The following MYH11 variants were observed in gnomAD, a reference collection of about 807,000 sequenced individuals.
MYH11 encodes myosin-11.
Under a neutral mutation model 246.6 loss-of-function variants are expected in MYH11, and 80 were observed. That is an observed-to-expected ratio of 0.32 (90% CI 0.27 to 0.39). MYH11 has a LOEUF of 0.39. Among genes scored for constraint, MYH11 ranks in the 10% least tolerant of loss-of-function variants. The pLI, the probability that MYH11 is intolerant of heterozygous loss-of-function variation, is 1.00. For missense variants in MYH11, 2,158 were observed against 2,546.8 expected, an observed-to-expected ratio of 0.85 and a Z score of 3.29; for synonymous variants, 1,071 against 1,015.5, an observed-to-expected ratio of 1.05 and a Z score of -1.04.
At position 15,717,252 on chromosome 16, in the gene MYH11, G is replaced by A. The variant is rs371581038; in HGVS notation, c.5392C>T (p.Arg1798Trp). ...CCCTCCATCTCGTGGAGCTTGCTCCGGAGCTCCTTGTTCTGCCGCTCGAGC... is the reference window on the plus strand; with the variant it reads ...CCCTCCATCTCGTGGAGCTTGCTCCAGAGCTCCTTGTTCTGCCGCTCGAGC... ...QQLERQNKEL[R>W]SKLHEMEGAV... is the part of the protein sequence containing the mutation. Residue 1798 changes from arginine to tryptophan, a missense_variant, in exon 38 of 41, where the codon CGG becomes TGG. Physicochemically the swap from Arg to Trp is moderately radical, Grantham distance 101. Coordinates refer to ENST00000300036, the MANE Select transcript of MYH11 (RefSeq NM_002474.3). 2.0e-5 allele frequency: 32 copies of A among 1,614,122 alleles called. No individual in the cohort carries two copies. The highest frequency in any genetic ancestry group is 1.6e-4 in the Middle Eastern group (1 of 6,062).
intron 4 of MYH11, chr16:15,792,709 CCATTT>C (rs1253868980): frequency 3.3e-5 from 5 of 152,198 alleles, no homozygotes; most frequent in African/African-American, 1.2e-4. Context: ...ACGTTCTCAT[CCATTT>C]CATTTATTTA....
chr16:15,718,286 C>A (rs570946100), intron 37 of MYH11, 29 bp downstream of exon 37: 13 of 1,606,522 alleles, frequency 8.1e-6, no homozygotes, highest in Non-Finnish European at 1.1e-5. Context: ...CAGTAGGCAG[C>A]GTGACTGTGG....
At chr16:15,786,509 G>A (rs2042472273) in intron 5 of MYH11, 121 bp downstream of exon 5, 4 of 964,962 alleles carry the variant, frequency 4.1e-6, no homozygotes, top group African/African-American at 3.2e-5. Context: ...GAGTCTTCAG[G>A]GGAGGGGTAG....
chr16:15,710,714 C>T (rs2039738624), intron 40 of MYH11, among the ~76,000 whole-genome samples: 1 of 151,518 alleles, frequency 6.6e-6, no homozygotes, highest in African/African-American at 2.4e-5. Flanking sequence ...CAGAGTCTTG[C>T]TCTGAAGGCT....
rs371831822 is a variant in MYH11 at position 15,732,596 on chromosome 16, C to T, written c.3619G>A (p.Glu1207Lys). Reference sequence around the variant, plus strand: ...AACTGCTCAAGCTGCTCTGTGAGCTCCTCCACCGCCTGTGCGTGTTTCTGC... The same window carrying T: ...AACTGCTCAAGCTGCTCTGTGAGCTTCTCCACCGCCTGTGCGTGTTTCTGC... ...MRQKHAQAVE[E>K]LTEQLEQFKR... Residue 1207 changes from glutamate (E) to lysine (K), a missense_variant, in exon 27 of 41, where the codon GAG becomes AAG. This residue lies in a region of MYH11 where 1,013 missense variants were observed against 993.5 expected (regional missense o/e 1.02). Coordinates refer to ENST00000300036, the MANE Select transcript of MYH11 (RefSeq NM_002474.3). 101 of 1,614,124 alleles carry T rather than the reference C, an allele frequency of 6.3e-5. No individual in the cohort carries two copies. The highest frequency in any genetic ancestry group is 8.2e-5 in the Non-Finnish European group (97 of 1,180,056).
At chr16:15,778,524 A>G (rs2042275274) in intron 7 of MYH11, among the ~76,000 whole-genome samples, 2 of 152,314 alleles carry the variant, frequency 1.3e-5, no homozygotes, top group East Asian at 1.9e-4. Context: ...AACCAGCCCA[A>G]GGTCACTCAG....
chr16:15,720,381 C>T (rs2040403988), intron 33 of MYH11, 69 bp from the exon 34 acceptor site: 26 of 1,543,838 alleles, frequency 1.7e-5, no homozygotes, highest in Non-Finnish European at 2.3e-5. Context: ...ACCTAGGCAG[C>T]ACATCACTGC....
intron 3 of MYH11, among the ~76,000 whole-genome samples, chr16:15,800,597 T>TTGCATGGA (rs1555454016): frequency 7.0e-6 from 1 of 143,074 alleles, no homozygotes; most frequent in African/African-American, 2.6e-5. Context: ...GGTAAATGAG[T>TTGCATGGA]TGGATGGATG....
At chr16:15,789,766 C>A (rs1296986892) in intron 4 of MYH11, among the ~76,000 whole-genome samples, 1 of 152,142 alleles carries the variant, frequency 6.6e-6, no homozygotes, top group Non-Finnish European at 1.5e-5. Flanking sequence ...GGGTTGGATT[C>A]TGATTAAAGC....
intron 4 of MYH11, among the ~76,000 whole-genome samples, chr16:15,788,075 A>ATTTTTTTTTTTTTTTTTTTTTTTTTT (rs1555569323): frequency 2.3e-5 from 1 of 42,706 alleles, no homozygotes; most frequent in Non-Finnish European, 4.2e-5. Flanking sequence ...ATGAAGGTAG[A>ATTTTTTTTTTTTTTTTTTTTTTTTTT]TCTTTTTTTT....
intron 10 of MYH11, 55 bp downstream of exon 10, chr16:15,763,741 T>TCGGGGCCCCCCCCCCC: frequency 3.1e-6 from 2 of 646,854 alleles, no homozygotes; most frequent in Non-Finnish European, 5.8e-6. Flanking sequence ...AAATGTCACC[T>TCGGGGCCCCCCCCCCC]CCCCCACCCC....
chr16:15,718,188 A>C (rs551812413), intron 37 of MYH11, 127 bp downstream of exon 37: 1 of 1,489,848 alleles, frequency 6.7e-7, no homozygotes, highest in Non-Finnish European at 9.2e-7. Flanking sequence ...CTCAGGCCCC[A>C]CCACCCTCTT....
intron 34 of MYH11, 42 bp from the exon 35 acceptor site, chr16:15,719,755 T>TC (rs2040367594): frequency 1.2e-6 from 2 of 1,613,114 alleles, no homozygotes; most frequent in East Asian, 2.2e-5. Flanking sequence ...ATGTCCTTAC[T>TC]CCCCCAAGTT....
intron 1 of MYH11, among the ~76,000 whole-genome samples, chr16:15,856,174 C>T (rs2151403380): frequency 6.6e-6 from 1 of 151,438 alleles, no homozygotes; most frequent in South Asian, 2.1e-4. Flanking sequence ...ACTTTGGAGC[C>T]CACCTGGGTA....
At chr16:15,852,507 ATT>A (rs2044356250) in intron 1 of MYH11, among the ~76,000 whole-genome samples, 1 of 151,302 alleles carries the variant, frequency 6.6e-6, no homozygotes, top group South Asian at 2.1e-4. Flanking sequence ...TAATTTTTGT[ATT>A]TTTAGTAGAG....
chr16:15,821,288 C>T (rs954042297), intron 3 of MYH11, among the ~76,000 whole-genome samples: 1 of 152,132 alleles, frequency 6.6e-6, no homozygotes, highest in Non-Finnish European at 1.5e-5. Context: ...TTTTCTGGAA[C>T]GAATTATCTT....
chr16:15,784,819 C>A, intron 5 of MYH11: 2 of 1,337,278 alleles, frequency 1.5e-6, no homozygotes, highest in Non-Finnish European at 1.1e-6. Flanking sequence ...CCCAAACAGC[C>A]TGGAGTCTCC....
At chr16:15,775,388 T>C (rs1388528368) in intron 8 of MYH11, among the ~76,000 whole-genome samples, 1 of 151,104 alleles carries the variant, frequency 6.6e-6, no homozygotes, top group Non-Finnish European at 1.5e-5. Context: ...CCTGTGCTCA[T>C]TGGTTTATGT....
At chr16:15,840,709 G>A (rs780318953) in intron 1 of MYH11, among the ~76,000 whole-genome samples, 4 of 152,110 alleles carry the variant, frequency 2.6e-5, no homozygotes, top group Non-Finnish European at 5.9e-5. Context: ...TCCAGCCTGG[G>A]CCACAGAGCG....
Sources: gnomAD v4.1 joint callset for allele counts (sites outside exome capture counted in the v4.1 genomes callset) on GRCh38, gnomAD v4.1.1 for gene constraint, gnomAD v4.1.1 regional missense constraint, MANE v1.5 for transcripts, NCBI Gene and HGNC (gene_info 2026-07-23, HGNC 2026-07-21) for gene names.